The following SNTG2 variants were observed in gnomAD, a reference collection of about 807,000 sequenced individuals.
SNTG2 encodes the protein gamma-2-syntrophin.
In SNTG2, 74 loss-of-function variants were observed where a neutral mutation model predicts 70.9. The observed-to-expected ratio is 1.04, with a 90% CI of 0.86 to 1.27. The LOEUF is 1.27. SNTG2 is among the 50% of genes most tolerant of loss of function. The pLI is 0.00. For synonymous variants in SNTG2, 278 were observed against 273.8 expected (o/e 1.02, Z -0.15); for missense variants, 717 against 690.7 (o/e 1.04, Z -0.43).
intron 1 of SNTG2, among the ~76,000 whole-genome samples, chr2:1,072,430 A>G (rs907376788): frequency 4.6e-5 from 7 of 151,120 alleles, no homozygotes; most frequent in African/African-American, 1.7e-4. Flanking sequence ...TGCTTTATAA[A>G]TAAAACCACA....
At chr2:1,236,043 C>T (rs977063303) in intron 9 of SNTG2, among the ~76,000 whole-genome samples, 6 of 152,062 alleles carry the variant, frequency 3.9e-5, no homozygotes, top group South Asian at 2.1e-4. Flanking sequence ...GGCTGTCGTC[C>T]GCAATAATCT....
At chr2:1,227,152 G>T (rs956828946) in intron 9 of SNTG2, among the ~76,000 whole-genome samples, 2 of 152,152 alleles carry the variant, frequency 1.3e-5, no homozygotes, top group African/African-American at 4.8e-5. Context: ...GAGGTTCTGC[G>T]GTGTTTTCTC....
chr2:1,300,283 C>T (rs9326174), intron 14 of SNTG2, among the ~76,000 whole-genome samples: 1 of 152,048 alleles, frequency 6.6e-6, no homozygotes. Context: ...GAAGTGCTGT[C>T]GAAAATCCTT....
At chr2:1,242,577 C>T (rs886261270) in intron 11 of SNTG2, among the ~76,000 whole-genome samples, 2 of 152,132 alleles carry the variant, frequency 1.3e-5, no homozygotes, top group African/African-American at 4.8e-5. Context: ...ATATGCTCAC[C>T]CCACCAAATA....
At chr2:1,058,379 A>G (rs1309863315) in intron 1 of SNTG2, among the ~76,000 whole-genome samples, 1 of 152,242 alleles carries the variant, frequency 6.6e-6, no homozygotes, top group Non-Finnish European at 1.5e-5. Context: ...TTAAATGAAT[A>G]AAGGACACTG....
At chr2:972,675 C>T (rs1440458283) in intron 1 of SNTG2, among the ~76,000 whole-genome samples, 1 of 152,084 alleles carries the variant, frequency 6.6e-6, no homozygotes, top group Non-Finnish European at 1.5e-5. Flanking sequence ...GCACCATCCC[C>T]TTGGTACTGT....
chr2:1,234,666 G>A (rs1676487943), intron 9 of SNTG2, among the ~76,000 whole-genome samples: 2 of 152,244 alleles, frequency 1.3e-5, no homozygotes, highest in Non-Finnish European at 2.9e-5. Context: ...TCTGCCCCTC[G>A]TGCGAGTCCG....
chr2:1,338,165 T>G (rs934556227), intron 16 of SNTG2, among the ~76,000 whole-genome samples: 1 of 152,210 alleles, frequency 6.6e-6, no homozygotes, highest in African/African-American at 2.4e-5. Flanking sequence ...TTATTTGTTT[T>G]CAAGATTGTT....
intron 4 of SNTG2, among the ~76,000 whole-genome samples, chr2:1,133,293 C>G (rs771550381): frequency 6.6e-6 from 1 of 152,162 alleles, no homozygotes; most frequent in Non-Finnish European, 1.5e-5. Context: ...AAATATTTAA[C>G]AGAAGTGTCT....
At chr2:1,342,171 G>A (rs1310829318) in intron 16 of SNTG2, among the ~76,000 whole-genome samples, 3 of 152,228 alleles carry the variant, frequency 2.0e-5, no homozygotes, top group Middle Eastern at 3.2e-3. Context: ...CCTCAGGGCA[G>A]GGATCTCACT....
At chr2:1,036,236 G>A (rs758807596) in intron 1 of SNTG2, among the ~76,000 whole-genome samples, 2 of 152,034 alleles carry the variant, frequency 1.3e-5, no homozygotes, top group Non-Finnish European at 2.9e-5. Context: ...TATATTAAAA[G>A]GGGAGATTTG....
chr2:1,320,188 C>A (rs769304476), intron 16 of SNTG2, among the ~76,000 whole-genome samples: 1 of 152,016 alleles, frequency 6.6e-6, no homozygotes, highest in Non-Finnish European at 1.5e-5. Flanking sequence ...GGGAGGAGTT[C>A]TGGGGCTTGG....
intron 8 of SNTG2, among the ~76,000 whole-genome samples, chr2:1,181,419 C>G (rs1671889126): frequency 2.0e-5 from 3 of 152,174 alleles, no homozygotes; most frequent in Admixed American, 2.0e-4. Context: ...GCTGCATTTT[C>G]AGACTCACCA....
intron 11 of SNTG2, among the ~76,000 whole-genome samples, chr2:1,244,330 A>C (rs537280699): frequency 3.3e-5 from 5 of 152,160 alleles, no homozygotes; most frequent in African/African-American, 9.6e-5. Context: ...TTGTGATTTG[A>C]CGAGGATATT....
intron 14 of SNTG2, among the ~76,000 whole-genome samples, chr2:1,303,332 A>T (rs1680537237): frequency 6.6e-6 from 1 of 152,232 alleles, no homozygotes; most frequent in African/African-American, 2.4e-5. Flanking sequence ...AATCAACAAC[A>T]GAAAGATAAT....
intron 1 of SNTG2, among the ~76,000 whole-genome samples, chr2:962,563 A>G (rs894248057): frequency 3.3e-5 from 5 of 152,244 alleles, no homozygotes; most frequent in Non-Finnish European, 1.5e-5. Flanking sequence ...AAATAATTAG[A>G]TGAAGTAAGG....
chr2:1,195,833 G>A (rs764171545), intron 8 of SNTG2, among the ~76,000 whole-genome samples: 1 of 151,914 alleles, frequency 6.6e-6, no homozygotes, highest in Non-Finnish European at 1.5e-5. Context: ...ATGAAGTTGT[G>A]GATATTATGT....
intron 13 of SNTG2, among the ~76,000 whole-genome samples, chr2:1,266,371 C>T (rs1030161470): frequency 6.6e-6 from 1 of 152,176 alleles, no homozygotes; most frequent in African/African-American, 2.4e-5. Context: ...GGGGAGCTCC[C>T]CAGGCTGCTC....
At chr2:1,354,944 G>A (rs13395656) in intron 16 of SNTG2, among the ~76,000 whole-genome samples, 38,067 of 152,192 alleles carry the variant, frequency 0.25, 5,318 homozygotes, top group East Asian at 0.53. Context: ...AGTTCTCCCT[G>A]TGTCACACAA....
Sources: allele counts gnomAD v4.1 joint callset (sites outside exome capture counted in the v4.1 genomes callset), GRCh38; gene constraint gnomAD v4.1.1; transcripts MANE v1.5; gene names NCBI Gene and HGNC (gene_info 2026-07-23, HGNC 2026-07-21).